Variants in RNF125 observed in about 807,000 individuals in gnomAD.
RNF125 encodes the protein ring finger protein 125.
Under a neutral mutation model 26.0 loss-of-function variants are expected in RNF125, and 21 were observed. The observed-to-expected ratio is 0.81, with a 90% CI of 0.57 to 1.16. The LOEUF (loss-of-function observed/expected upper bound fraction) is 1.16, where lower values mean the gene tolerates loss of function less well. Among genes scored for constraint, RNF125 ranks in the 50% most tolerant of loss-of-function variants. RNF125 has a pLI of 0.00. For synonymous variants in RNF125, 95 were observed against 109.2 expected, an observed-to-expected ratio of 0.87 and a Z score of 0.81; for missense variants, 270 against 299.4, an observed-to-expected ratio of 0.90 and a Z score of 0.72.
chr18:32,045,625 T>G lies in RNF125; in HGVS notation c.414-17T>G, dbSNP rs751784510. 1 of 1,541,216 alleles carries G rather than the reference T, an allele frequency of 6.5e-7. No homozygotes were observed. The highest frequency in any genetic ancestry group is 8.9e-7 in the Non-Finnish European group (1 of 1,125,292). ...GCCAACCATTTTAATATTATTTGTATTCTGTGCTATTTCCAGGTGTGTATG... is the reference window on the plus strand; with the variant it reads ...GCCAACCATTTTAATATTATTTGTAGTCTGTGCTATTTCCAGGTGTGTATG... On this transcript the variant is annotated splice_polypyrimidine_tract_variant and intron_variant, in intron 3 of 5. Coordinates refer to ENST00000217740, the MANE Select transcript of RNF125 (RefSeq NM_017831.4).
At chr18:32,048,257 CAAA>C (rs56147477) in intron 4 of RNF125, among the ~76,000 whole-genome samples, 2,173 of 117,788 alleles carry the variant, frequency 0.018, 58 homozygotes, top group African/African-American at 0.057. Context: ...ACTAAAAATA[CAAA>C]AAAAAAAAAA....
At chr18:32,055,130 C>T (rs2039367555) in intron 4 of RNF125, among the ~76,000 whole-genome samples, 1 of 151,674 alleles carries the variant, frequency 6.6e-6, no homozygotes, top group South Asian at 2.1e-4. Context: ...GACCCTGTCT[C>T]TACAACAACA....
At position 32,037,108 on chromosome 18, in the gene RNF125, T is replaced by TG; in HGVS notation, c.165-4dup. On this transcript the variant is annotated splice_region_variant and splice_polypyrimidine_tract_variant and intron_variant, in intron 1 of 5. Transcript: ENST00000217740. ...GAAAGTGATGTATTTTTGGTCTGTT[T>TG]GGGGTAGATTCTGCCGTTCCTGTAT... The TG allele has an allele frequency of 5.0e-6, 8 of 1,600,076 alleles. No homozygotes were observed. Among genetic ancestry groups the TG allele is most frequent in the Non-Finnish European group, 6.8e-6 (8 of 1,174,698 alleles).
chr18:32,048,492 A>G (rs967336469), intron 4 of RNF125, among the ~76,000 whole-genome samples: 1 of 151,956 alleles, frequency 6.6e-6, no homozygotes, highest in African/African-American at 2.4e-5. Context: ...CCTCACAGCA[A>G]TCCTATGAGA....
At chr18:32,036,748 G>A (rs2039159879) in intron 1 of RNF125, among the ~76,000 whole-genome samples, 1 of 152,050 alleles carries the variant, frequency 6.6e-6, no homozygotes, top group South Asian at 2.1e-4. Context: ...ATTTTCTTAT[G>A]TGACACACAA....
chr18:32,067,733 C>T (rs142183663), intron 5 of RNF125, among the ~76,000 whole-genome samples: 1,565 of 152,104 alleles, frequency 0.01, 10 homozygotes, highest in African/African-American at 0.029. Flanking sequence ...GCAGAATGGA[C>T]TTTGAATAGA....
In RNF125 at chr18:32,068,619, CAGT is replaced by C. The variant is rs1257642661; in HGVS notation, c.*236_*238del. The stretch of plus-strand genomic sequence containing the variant: ...TAACAACAAAAAAAATTATCTACAT[CAGT>C]CATTGTTACATGGAAAAGACAGGTG... On this transcript the variant is annotated 3_prime_UTR_variant, in exon 6 of 6. Transcript: ENST00000217740. 5 of 406,984 alleles carry C rather than the reference CAGT, an allele frequency of 1.2e-5. No homozygotes were observed. The highest frequency in any genetic ancestry group is 8.2e-5 in the African/African-American group (4 of 48,878). 25.2% of individuals were successfully genotyped at this position (406,984 alleles called of 1,614,324 possible).
intron 1 of RNF125, among the ~76,000 whole-genome samples, chr18:32,036,631 A>C: frequency 2.7e-5 from 1 of 37,268 alleles, no homozygotes; most frequent in Admixed American, 3.9e-4. Context: ...GGGAGAGGGG[A>C]GGGAGGGAGG....
At chr18:32,080,201 G>C in the RNF125 span, among the ~76,000 whole-genome samples, 3 of 152,194 alleles carry the variant, frequency 2.0e-5, no homozygotes, top group East Asian at 5.8e-4. Flanking sequence ...GCTAATTTTT[G>C]TATTTTTAGT....
At chr18:32,062,739 C>A (rs1183902137) in intron 4 of RNF125, among the ~76,000 whole-genome samples, 1 of 152,124 alleles carries the variant, frequency 6.6e-6, no homozygotes, top group African/African-American at 2.4e-5. Context: ...GATTCCAGAT[C>A]TGATACTTAC....
At chr18:32,044,631 A>G (rs147373176) in intron 3 of RNF125, among the ~76,000 whole-genome samples, 1 of 152,104 alleles carries the variant, frequency 6.6e-6, no homozygotes, top group Non-Finnish European at 1.5e-5. Context: ...ACTTCTCTTT[A>G]GGAGAGAAGT....
intron 4 of RNF125, among the ~76,000 whole-genome samples, chr18:32,056,431 G>C (rs1387899634): frequency 2.0e-5 from 3 of 151,896 alleles, no homozygotes; most frequent in Non-Finnish European, 4.4e-5. Context: ...GACCAATATA[G>C]AGAAACCACC....
chr18:32,051,121 T>C (rs1227804886), intron 4 of RNF125, among the ~76,000 whole-genome samples: 2 of 152,100 alleles, frequency 1.3e-5, no homozygotes, highest in African/African-American at 4.8e-5. Flanking sequence ...TACTCATTAA[T>C]TTCAGCTTTT....
At chr18:32,032,749 C>CT (rs1159158881) in intron 1 of RNF125, among the ~76,000 whole-genome samples, 1 of 152,010 alleles carries the variant, frequency 6.6e-6, no homozygotes, top group Non-Finnish European at 1.5e-5. Context: ...ATCCCAACTA[C>CT]TTGGGAGGCT....
the RNF125 span, among the ~76,000 whole-genome samples, chr18:32,088,732 T>G: frequency 6.6e-6 from 1 of 152,284 alleles, no homozygotes; most frequent in Non-Finnish European, 1.5e-5. Context: ...ACTCCTGACC[T>G]CAAGTGATCT....
chr18:32,040,154 C>G (rs1026160854), intron 2 of RNF125, among the ~76,000 whole-genome samples: 1 of 151,992 alleles, frequency 6.6e-6, no homozygotes, highest in African/African-American at 2.4e-5. Flanking sequence ...ATTCCTTCTA[C>G]GCACATTTTG....
At chr18:32,034,428 T>C (rs2039131169) in intron 1 of RNF125, among the ~76,000 whole-genome samples, 1 of 152,234 alleles carries the variant, frequency 6.6e-6, no homozygotes, top group African/African-American at 2.4e-5. Context: ...TTGTTCTTGC[T>C]GCTTCTTCAC....
chr18:32,051,410 A>T (rs1386479557), intron 4 of RNF125, among the ~76,000 whole-genome samples: 1 of 151,948 alleles, frequency 6.6e-6, no homozygotes, highest in Non-Finnish European at 1.5e-5. Flanking sequence ...TGAGGTCAGG[A>T]GTTCGAGACT....
At chr18:32,089,172 G>A in the RNF125 span, among the ~76,000 whole-genome samples, 7 of 152,214 alleles carry the variant, frequency 4.6e-5, no homozygotes, top group African/African-American at 1.7e-4. Context: ...ACAGGTCCGA[G>A]CAATCTTCAT....
Sources: gnomAD v4.1 joint callset for allele counts (sites outside exome capture counted in the v4.1 genomes callset) on GRCh38, gnomAD v4.1.1 for gene constraint, MANE v1.5 for transcripts, NCBI Gene and HGNC (gene_info 2026-07-23, HGNC 2026-07-21) for gene names.